AGBL4: variants seen among roughly 807,000 people sequenced by gnomAD.
AGBL4 encodes the protein AGBL carboxypeptidase 4.
Under a neutral mutation model 66.4 loss-of-function variants are expected in AGBL4, and 58 were observed. The ratio of observed to expected loss-of-function variants is 0.87; its 90% CI spans 0.71 to 1.09. AGBL4 has a LOEUF of 1.09. Among genes scored for constraint, AGBL4 ranks in the 50% least tolerant of loss-of-function variants. The pLI is 0.00. For synonymous variants in AGBL4, 234 were observed against 222.9 expected, an observed-to-expected ratio of 1.05 and a Z score of -0.44; for missense variants, 579 against 631.0, an observed-to-expected ratio of 0.92 and a Z score of 0.88.
At chr1:48,637,823 C>T (rs1400159782) in intron 8 of AGBL4, among the ~76,000 whole-genome samples, 5 of 152,172 alleles carry the variant, frequency 3.3e-5, no homozygotes, top group South Asian at 2.1e-4. Context: ...AATCAGATGG[C>T]CCTATGAAAT....
rs182001874 is a variant in AGBL4, at chr1:48,685,973, T to C, written c.635-22732A>G. ...ACAAAAGCCCTCTGAGTTAGGCTTG[T>C]TGTTGCCCCCATTTTAGAGATGAGA... is the stretch of plus-strand genomic sequence containing the variant. On this transcript the variant is annotated intron_variant, in intron 6 of 13. Transcript: ENST00000371839. Among the ~76,000 whole-genome samples, 14 of 152,346 alleles carry C rather than the reference T, an allele frequency of 9.2e-5. No homozygotes were observed. The East Asian group carries it at 2.5e-3, about 27-fold the overall frequency.
At chr1:49,900,809 T>C (rs1367016735) in intron 1 of AGBL4, among the ~76,000 whole-genome samples, 2 of 152,218 alleles carry the variant, frequency 1.3e-5, no homozygotes. Context: ...TGATATATAC[T>C]ATCTATTAAA....
chr1:49,934,881 A>G (rs1327131149), intron 1 of AGBL4, among the ~76,000 whole-genome samples: 1 of 151,874 alleles, frequency 6.6e-6, no homozygotes, highest in Non-Finnish European at 1.5e-5. Flanking sequence ...AACAGCTCCG[A>G]TCTACAGCTC....
At chr1:48,577,596 CA>C (rs1644674303) in intron 11 of AGBL4, among the ~76,000 whole-genome samples, 1 of 152,058 alleles carries the variant, frequency 6.6e-6, no homozygotes, top group African/African-American at 2.4e-5. Context: ...CAGGCCTGGG[CA>C]GGAGACATTC....
intron 1 of AGBL4, among the ~76,000 whole-genome samples, chr1:50,020,548 A>G (rs188911518): frequency 1.3e-5 from 2 of 152,310 alleles, no homozygotes; most frequent in African/African-American, 4.8e-5. Flanking sequence ...TGCTTAGTTT[A>G]GAATATTTCC....
At chr1:48,706,186 G>T (rs1283570449) in intron 6 of AGBL4, among the ~76,000 whole-genome samples, 3 of 152,092 alleles carry the variant, frequency 2.0e-5, no homozygotes, top group Non-Finnish European at 2.9e-5. Flanking sequence ...ATATGATTAT[G>T]CTTTATAACT....
chr1:49,540,066 T>C (rs1225273600), intron 3 of AGBL4, among the ~76,000 whole-genome samples: 6 of 152,138 alleles, frequency 3.9e-5, no homozygotes, highest in African/African-American at 1.2e-4. Flanking sequence ...TAATAGAAAG[T>C]AAAAGCAAAC....
At chr1:48,831,629 G>A (rs1934403) in intron 6 of AGBL4, among the ~76,000 whole-genome samples, 25,460 of 152,180 alleles carry the variant, frequency 0.17, 2,720 homozygotes, top group East Asian at 0.42. Flanking sequence ...CACTAACTCA[G>A]TGCTTGGCAC....
At chr1:48,683,472 C>A (rs1033870446) in intron 6 of AGBL4, among the ~76,000 whole-genome samples, 1 of 152,230 alleles carries the variant, frequency 6.6e-6, no homozygotes, top group Admixed American at 6.5e-5. Context: ...CATTCTAAAT[C>A]ACAGTTGACC....
intron 1 of AGBL4, among the ~76,000 whole-genome samples, chr1:49,955,432 G>C (rs1401894792): frequency 6.6e-6 from 1 of 151,936 alleles, no homozygotes; most frequent in East Asian, 1.9e-4. Context: ...AGAGGCTTCT[G>C]CCTTCTCTTC....
At chr1:49,165,483 T>C (rs1314046640) in intron 4 of AGBL4, among the ~76,000 whole-genome samples, 1 of 152,124 alleles carries the variant, frequency 6.6e-6, no homozygotes, top group Non-Finnish European at 1.5e-5. Flanking sequence ...GAATGTCAAC[T>C]TTGGGAAGCT....
chr1:48,850,441 A>T (rs1385340611), intron 6 of AGBL4, among the ~76,000 whole-genome samples: 3 of 151,690 alleles, frequency 2.0e-5, no homozygotes, highest in African/African-American at 7.3e-5. Context: ...CTGTAGCCAG[A>T]CTCTTGTCTC....
chr1:49,134,747 G>C (rs994870609), intron 4 of AGBL4, among the ~76,000 whole-genome samples: 7 of 151,900 alleles, frequency 4.6e-5, no homozygotes, highest in Non-Finnish European at 2.9e-5. Context: ...TGCAGTTAAC[G>C]CAATCATCAC....
At chr1:49,616,882 A>G (rs114679056) in intron 3 of AGBL4, among the ~76,000 whole-genome samples, 1 of 152,074 alleles carries the variant, frequency 6.6e-6, no homozygotes, top group African/African-American at 2.4e-5. Context: ...ATCTCTACTC[A>G]TCACCTCCAC....
chr1:49,899,341 A>G (rs931181921), intron 1 of AGBL4, among the ~76,000 whole-genome samples: 1 of 152,116 alleles, frequency 6.6e-6, no homozygotes, highest in African/African-American at 2.4e-5. Flanking sequence ...ATTATAGTCA[A>G]TAATAATTTA....
chr1:49,354,312 C>T (rs890394558), intron 3 of AGBL4, among the ~76,000 whole-genome samples: 1 of 152,228 alleles, frequency 6.6e-6, no homozygotes, highest in Non-Finnish European at 1.5e-5. Flanking sequence ...AATTAGTTTT[C>T]ATCTTAATAT....
intron 5 of AGBL4, among the ~76,000 whole-genome samples, chr1:48,888,376 A>G (rs1344039510): frequency 1.3e-5 from 2 of 152,216 alleles, no homozygotes. Context: ...AAACCGCACT[A>G]TCCTTCTGTC....
chr1:48,734,853 A>G (rs6697870), intron 6 of AGBL4, among the ~76,000 whole-genome samples: 64,292 of 152,058 alleles, frequency 0.42, 14,711 homozygotes, highest in Non-Finnish European at 0.53. Context: ...CTGCCCCCAG[A>G]GTCTGCTGAA....
At chr1:49,616,090 G>A (rs1049485316) in intron 3 of AGBL4, among the ~76,000 whole-genome samples, 1 of 152,070 alleles carries the variant, frequency 6.6e-6, no homozygotes, top group African/African-American at 2.4e-5. Flanking sequence ...GTGGGAAGGA[G>A]GAATATATGT....
Sources: gnomAD v4.1 joint callset for allele counts (sites outside exome capture counted in the v4.1 genomes callset) on GRCh38, gnomAD v4.1.1 for gene constraint, MANE v1.5 for transcripts, NCBI Gene and HGNC (gene_info 2026-07-23, HGNC 2026-07-21) for gene names.